The following ATP2B2 variants were observed in gnomAD, a reference collection of about 807,000 sequenced individuals.
The protein encoded by ATP2B2 is plasma membrane calcium-transporting ATPase 2.
A neutral mutation model predicts 120.0 loss-of-function variants in ATP2B2; 15 were observed. That is an observed-to-expected ratio of 0.12 (90% CI 0.08 to 0.19). The LOEUF (loss-of-function observed/expected upper bound fraction) is 0.19, where lower values mean the gene tolerates loss of function less well. Among genes scored for constraint, ATP2B2 ranks in the 10% least tolerant of loss-of-function variants. ATP2B2 has a pLI of 1.00. For missense variants in ATP2B2, 1,045 were observed against 1,719.8 expected, an observed-to-expected ratio of 0.61 and a Z score of 6.94; for synonymous variants, 694 against 700.3, an observed-to-expected ratio of 0.99 and a Z score of 0.14.
At chr3:10,538,442 A>G (rs944323744) in intron 2 of ATP2B2, among the ~76,000 whole-genome samples, 9 of 152,228 alleles carry the variant, frequency 5.9e-5, no homozygotes, top group African/African-American at 1.9e-4. Flanking sequence ...ATTTTAGACC[A>G]ATATCCCTGA....
intron 21 of ATP2B2, 98 bp from the exon 22 acceptor site, chr3:10,338,456 C>T: frequency 7.6e-7 from 1 of 1,319,014 alleles, no homozygotes; most frequent in Non-Finnish European, 1.1e-6. Context: ...CCTACCCGCT[C>T]ACCCAGGCAT....
intron 2 of ATP2B2, among the ~76,000 whole-genome samples, chr3:10,411,638 CAT>C (rs1391625870): frequency 6.6e-6 from 1 of 152,242 alleles, no homozygotes; most frequent in Non-Finnish European, 1.5e-5. Flanking sequence ...GTGAATATCA[CAT>C]GAGGTGATTC....
intron 1 of ATP2B2, among the ~76,000 whole-genome samples, chr3:10,625,527 C>T (rs750229455): frequency 7.9e-4 from 121 of 152,330 alleles, no homozygotes; most frequent in Non-Finnish European, 1.4e-3. Flanking sequence ...AGATACTCCC[C>T]GGTTTGAGTT....
In ATP2B2 at chr3:10,635,059, G is replaced by A. The variant is rs564949902; in HGVS notation, c.-459-15098C>T. 1.3e-5 allele frequency among the ~76,000 whole-genome samples: 2 copies of A among 152,058 alleles called. No individual in the cohort carries two copies. The highest frequency in any genetic ancestry group is 1.9e-4 in the East Asian group (1 of 5,142). ...AGCCTTCCAACACTCGCAGGACCCCGAGATAAATGTCCCTGGGAATTGGAA... is the reference window on the plus strand; with the variant it reads ...AGCCTTCCAACACTCGCAGGACCCCAAGATAAATGTCCCTGGGAATTGGAA... On this transcript the variant is annotated intron_variant, in intron 1 of 21. Coordinates refer to the ATP2B2 transcript ENST00000646379. The surrounding 1 kb of genome is among the most constrained non-coding windows in gnomAD (Gnocchi z 4.3).
At chr3:10,618,332 G>C (rs1347549601) in intron 2 of ATP2B2, among the ~76,000 whole-genome samples, 1 of 152,186 alleles carries the variant, frequency 6.6e-6, no homozygotes, top group East Asian at 1.9e-4. Flanking sequence ...CCTTAGTACT[G>C]TGCCTGGCAC....
At chr3:10,674,021 C>A (rs1029409201) in intron 1 of ATP2B2, among the ~76,000 whole-genome samples, 7 of 151,700 alleles carry the variant, frequency 4.6e-5, no homozygotes, top group African/African-American at 1.7e-4. Flanking sequence ...CAATATTAAG[C>A]TTTGGGGCAG....
intron 2 of ATP2B2, among the ~76,000 whole-genome samples, chr3:10,593,438 T>C (rs545235317): frequency 6.6e-6 from 1 of 152,340 alleles, no homozygotes; most frequent in African/African-American, 2.4e-5. Context: ...CTCTGAGAGT[T>C]GACTGTCTGT....
chr3:10,448,102 C>T (rs1186583011), intron 2 of ATP2B2, among the ~76,000 whole-genome samples: 2 of 152,216 alleles, frequency 1.3e-5, no homozygotes, highest in Non-Finnish European at 2.9e-5. Context: ...TAGAGTCCAG[C>T]AGGGCCCAGG....
chr3:10,487,396 T>C (rs2065730912), intron 1 of ATP2B2, among the ~76,000 whole-genome samples: 1 of 152,078 alleles, frequency 6.6e-6, no homozygotes, highest in Non-Finnish European at 1.5e-5. Context: ...GTTACCAGGG[T>C]CATGAGTCCA....
chr3:10,338,730 C>G lies in ATP2B2; in HGVS notation c.3238-372G>C, dbSNP rs111950869. The G allele has an allele frequency of 9.4e-4, 304 of 322,082 alleles. 1 individual carries two copies. Among genetic ancestry groups the G allele is most frequent in the African/African-American group, 6.2e-3 (283 of 45,828 alleles). 20.0% of individuals were successfully genotyped at this position (322,082 alleles called of 1,614,324 possible). ...GGGCAAGTCATTTAACCTCACCGAG[C>G]TTTGGTTTTCCTAGCTGTAAAGTGG... On this transcript the variant is annotated intron_variant, in intron 21 of 22. Transcript: ENST00000360273.
chr3:10,380,579 C>T (rs988284666), intron 8 of ATP2B2, among the ~76,000 whole-genome samples: 5 of 152,210 alleles, frequency 3.3e-5, no homozygotes, highest in Admixed American at 1.3e-4. Context: ...GCTTGGGTCT[C>T]AATGGGTAAA....
intron 1 of ATP2B2, among the ~76,000 whole-genome samples, chr3:10,503,409 A>G (rs1383020881): frequency 6.6e-6 from 1 of 152,216 alleles, no homozygotes; most frequent in Admixed American, 6.5e-5. Context: ...TCAATAACCC[A>G]AGATGGCCTT....
At chr3:10,366,088 G>GT (rs1334788973) in intron 12 of ATP2B2, among the ~76,000 whole-genome samples, 5 of 152,226 alleles carry the variant, frequency 3.3e-5, no homozygotes, top group Admixed American at 1.3e-4. Flanking sequence ...GTCCCTTCCA[G>GT]TATCTTCCAC....
chr3:10,396,578 T>C (rs966103270), intron 5 of ATP2B2, among the ~76,000 whole-genome samples: 3 of 152,204 alleles, frequency 2.0e-5, no homozygotes, highest in Non-Finnish European at 4.4e-5. Flanking sequence ...AAAGGGCCCA[T>C]GGTGTCTGGT....
At chr3:10,702,442 A>G (rs2071832319) in intron 1 of ATP2B2, among the ~76,000 whole-genome samples, 1 of 152,210 alleles carries the variant, frequency 6.6e-6, no homozygotes, top group Non-Finnish European at 1.5e-5. Context: ...GCTTTTATAG[A>G]TGAGGAAACT....
chr3:10,657,712 A>T (rs1240109179), intron 1 of ATP2B2, among the ~76,000 whole-genome samples: 1 of 152,224 alleles, frequency 6.6e-6, no homozygotes, highest in Non-Finnish European at 1.5e-5. Context: ...ACCTCTGCAG[A>T]CTTAAATGTC....
intron 1 of ATP2B2, among the ~76,000 whole-genome samples, chr3:10,501,240 C>G (rs564429206): frequency 6.6e-6 from 1 of 152,168 alleles, no homozygotes; most frequent in Non-Finnish European, 1.5e-5. Context: ...AGGCTTTTAC[C>G]GTCACTCCCG....
At chr3:10,368,205 G>A (rs766598961) in intron 12 of ATP2B2, among the ~76,000 whole-genome samples, 1 of 151,028 alleles carries the variant, frequency 6.6e-6, no homozygotes. Flanking sequence ...TTCAGTAAAA[G>A]ACATCGGCTA....
chr3:10,534,406 A>G (rs540517752), intron 2 of ATP2B2, among the ~76,000 whole-genome samples: 1 of 152,336 alleles, frequency 6.6e-6, no homozygotes, highest in Admixed American at 6.5e-5. Flanking sequence ...GTTGAGTGGC[A>G]GGCCCCAGAG....
Sources: allele counts gnomAD v4.1 joint callset (sites outside exome capture counted in the v4.1 genomes callset), GRCh38; gene constraint gnomAD v4.1.1; non-coding constraint Gnocchi (gnomAD v3.1); transcripts MANE v1.5; gene names NCBI Gene and HGNC (gene_info 2026-07-23, HGNC 2026-07-21).